Variants in MAP1LC3B2 observed in about 807,000 individuals in gnomAD.
MAP1LC3B2 encodes microtubule associated protein 1 light chain 3 beta 2, also known as microtubule-associated protein 1 light chain 3 beta 2.
For synonymous variants in MAP1LC3B2, 62 were observed against 57.8 expected, an observed-to-expected ratio of 1.07 and a Z score of -0.33; for missense variants, 155 against 154.6, an observed-to-expected ratio of 1.00 and a Z score of -0.01.
chr12:116,562,970 A>G (rs1038349529), intron 1 of MAP1LC3B2, among the ~76,000 whole-genome samples: 10 of 152,034 alleles, frequency 6.6e-5, no homozygotes, highest in African/African-American at 1.9e-4. Flanking sequence ...ATTTTATTTT[A>G]TTTTATTTGA....
At chr12:116,574,008 T>C (rs986303427) in intron 1 of MAP1LC3B2, among the ~76,000 whole-genome samples, 2 of 152,052 alleles carry the variant, frequency 1.3e-5, no homozygotes, top group Non-Finnish European at 2.9e-5. Flanking sequence ...TTGGCAAAAA[T>C]GGAACATATG....
intron 1 of MAP1LC3B2, among the ~76,000 whole-genome samples, chr12:116,566,917 T>C (rs569916351): frequency 7.6e-4 from 69 of 90,400 alleles, no homozygotes; most frequent in African/African-American, 2.9e-3. Flanking sequence ...GGCCACAGAG[T>C]GAGACTCTGT....
chr12:116,568,377 G>A (rs1244901652), intron 1 of MAP1LC3B2, among the ~76,000 whole-genome samples: 1 of 152,212 alleles, frequency 6.6e-6, no homozygotes, highest in African/African-American at 2.4e-5. Flanking sequence ...TCTCTGCCCT[G>A]CAGACTTATT....
At chr12:116,560,227 T>TACATAC (rs1566022597) in intron 1 of MAP1LC3B2, 2 of 132,844 alleles carry the variant, frequency 1.5e-5, no homozygotes, top group African/African-American at 5.7e-5. Context: ...TATATATATA[T>TACATAC]ATATATATAT....
At chr12:116,570,206 C>T (rs141044856) in intron 1 of MAP1LC3B2, among the ~76,000 whole-genome samples, 202 of 152,320 alleles carry the variant, frequency 1.3e-3, no homozygotes, top group African/African-American at 4.8e-3. Flanking sequence ...CCTCAATTTA[C>T]AATGGCTCAA....
intron 1 of MAP1LC3B2, among the ~76,000 whole-genome samples, chr12:116,572,463 C>T (rs1303142854): frequency 6.6e-6 from 1 of 151,578 alleles, no homozygotes; most frequent in Non-Finnish European, 1.5e-5. Context: ...CTCCCAGGCC[C>T]ACACCATTCT....
At chr12:116,561,296 G>A (rs757536161) in intron 1 of MAP1LC3B2, among the ~76,000 whole-genome samples, 10 of 152,056 alleles carry the variant, frequency 6.6e-5, no homozygotes, top group East Asian at 1.9e-4. Context: ...AAAAAAGTGT[G>A]GCAGAGGTAG....
chr12:116,562,507 C>T (rs1271060552), intron 1 of MAP1LC3B2, among the ~76,000 whole-genome samples: 1 of 152,180 alleles, frequency 6.6e-6, no homozygotes, highest in African/African-American at 2.4e-5. Context: ...CCAGGGCTGT[C>T]GTCTGATCCA....
intron 1 of MAP1LC3B2, among the ~76,000 whole-genome samples, chr12:116,571,939 T>G (rs1869547282): frequency 6.7e-6 from 1 of 149,408 alleles, no homozygotes; most frequent in South Asian, 2.1e-4. Flanking sequence ...ATACTTCTTG[T>G]TTGTTTTCTA....
intron 1 of MAP1LC3B2, among the ~76,000 whole-genome samples, chr12:116,566,843 ATTGC>A (rs1294614638): frequency 7.1e-6 from 1 of 141,438 alleles, no homozygotes; most frequent in Non-Finnish European, 1.5e-5. Flanking sequence ...AGGCAGGAAA[ATTGC>A]TTGAATCCAG....
chr12:116,566,067 A>G (rs531669481), intron 1 of MAP1LC3B2, among the ~76,000 whole-genome samples: 1 of 152,288 alleles, frequency 6.6e-6, no homozygotes, highest in Admixed American at 6.5e-5. Flanking sequence ...ACATCTAGAC[A>G]ATAACAAACT....
chr12:116,560,102 CACTA>C (rs1869212954), intron 1 of MAP1LC3B2: 1 of 149,246 alleles, frequency 6.7e-6, no homozygotes, highest in Non-Finnish European at 1.5e-5. Flanking sequence ...CACCGCAGCT[CACTA>C]ACCGATCCAA....
chr12:116,573,709 G>T lies in MAP1LC3B2; in HGVS notation c.-101-2133G>T, dbSNP rs1869600067. ...TTTTTGTGTTTTTAGTAGAGATGGG[G>T]TTTCACCATGTTGGCCAGGCTGGTC... On this transcript the variant is annotated intron_variant, in intron 1 of 1. Coordinates refer to ENST00000556529, the MANE Select transcript of MAP1LC3B2 (RefSeq NM_001085481.3). 2.0e-5 allele frequency among the ~76,000 whole-genome samples: 3 copies of T among 152,112 alleles called. No individual in the cohort carries two copies. The South Asian group carries it at 6.2e-4, about 32-fold the overall frequency.
At chr12:116,575,413 A>G (rs1869647518) in intron 1 of MAP1LC3B2, among the ~76,000 whole-genome samples, 1 of 152,190 alleles carries the variant, frequency 6.6e-6, no homozygotes, top group South Asian at 2.1e-4. Context: ...GAATTGCTAC[A>G]AAAGATATAC....
At position 116,560,188 on chromosome 12, in the gene MAP1LC3B2, C is replaced by CCATA. The variant is rs1491120344; in HGVS notation, c.-102+755_-102+756insCATA. On this transcript the variant is annotated intron_variant, in intron 1 of 1. Coordinates refer to ENST00000556529, the MANE Select transcript of MAP1LC3B2 (RefSeq NM_001085481.3). Reference sequence around the variant, plus strand: ...GGCTCTGAAATAAAGCTAAGTTTGGCTATATATATATATATATATATATAT... The same window carrying CCATA: ...GGCTCTGAAATAAAGCTAAGTTTGGCCATATATATATATATATATATATATATAT... The CCATA allele has an allele frequency of 1.2e-3, 108 of 88,418 alleles. 4 individuals are homozygous for CCATA. The highest frequency in any genetic ancestry group is 1.5e-3 in the Non-Finnish European group (66 of 42,984). The allele number at this position is 88,418 out of a possible 1,614,324, so 5.5% of individuals were successfully genotyped here.
intron 1 of MAP1LC3B2, among the ~76,000 whole-genome samples, chr12:116,559,696 C>T (rs1242407186): frequency 1.3e-5 from 2 of 152,200 alleles, no homozygotes; most frequent in African/African-American, 4.8e-5. Context: ...GGGCAGAGTC[C>T]TTTCCAGAAT....
At chr12:116,561,019 A>G (rs1869260230) in intron 1 of MAP1LC3B2, among the ~76,000 whole-genome samples, 1 of 152,096 alleles carries the variant, frequency 6.6e-6, no homozygotes, top group East Asian at 1.9e-4. Flanking sequence ...TGGGAGGCTG[A>G]GACACAAGAA....
chr12:116,575,817 C>T, intron 1 of MAP1LC3B2, 25 bp from the exon 2 acceptor site: 1 of 1,051,180 alleles, frequency 9.5e-7, no homozygotes, highest in Non-Finnish European at 1.4e-6. Context: ...AACTACTCAG[C>T]TCTGTTGTTA....
chr12:116,567,074 G>A (rs975241843), intron 1 of MAP1LC3B2, among the ~76,000 whole-genome samples: 1 of 149,136 alleles, frequency 6.7e-6, no homozygotes, highest in African/African-American at 2.5e-5. Flanking sequence ...GGAGGGGAAA[G>A]GACAAAGGAG....
Sources: allele counts gnomAD v4.1 joint callset (sites outside exome capture counted in the v4.1 genomes callset), GRCh38; gene constraint gnomAD v4.1.1; transcripts MANE v1.5; gene names NCBI Gene and HGNC (gene_info 2026-07-23, HGNC 2026-07-21).